NUP62CL: variants seen among roughly 807,000 people sequenced by gnomAD.
The protein encoded by NUP62CL is nucleoporin-62 C-terminal-like protein.
Under a neutral mutation model 15.3 loss-of-function variants are expected in NUP62CL, and 13 were observed. The observed-to-expected ratio is 0.85, with a 90% CI of 0.55 to 1.35. NUP62CL has a LOEUF of 1.35. Ranked by LOEUF, NUP62CL falls within the 40% of genes most tolerant of loss-of-function variation. NUP62CL has a pLI of 0.00. For synonymous variants in NUP62CL, 54 were observed against 49.2 expected (o/e 1.10, Z -0.41); for missense variants, 123 against 130.6 (o/e 0.94, Z 0.28).
At chrX:107,167,869 G>A in intron 3 of NUP62CL, 85 bp from the exon 4 acceptor site, 2 of 886,541 alleles carry the variant, frequency 2.3e-6, no homozygotes, top group Non-Finnish European at 3.1e-6. Flanking sequence ...AAATTATGGA[G>A]GCATTTTTAA....
At chrX:107,171,289 T>C (rs773458855) in intron 3 of NUP62CL, among the ~76,000 whole-genome samples, 7 of 111,421 alleles carry the variant, frequency 6.3e-5, no homozygotes, top group East Asian at 5.7e-4. Context: ...ACACCCCAAA[T>C]TGGGGCTGTC....
chrX:107,174,768 C>A (rs1253103796), intron 3 of NUP62CL, among the ~76,000 whole-genome samples: 3 of 111,948 alleles, frequency 2.7e-5, no homozygotes, highest in Non-Finnish European at 5.6e-5. Flanking sequence ...AGGACTTCTT[C>A]CCTTCAGAAA....
chrX:107,147,745 G>A lies in NUP62CL; in HGVS notation c.*40C>T. Reference sequence around the variant, plus strand: ...GTGGCATACAAGCAAACTCCCACCTGAATTCCGATCAATCCACTGCAGGGA... The same window carrying A: ...GTGGCATACAAGCAAACTCCCACCTAAATTCCGATCAATCCACTGCAGGGA... On this transcript the variant is annotated splice_region_variant and 3_prime_UTR_variant, in exon 8 of 9. Transcript: ENST00000372466. 1 of 1,160,089 alleles carries A rather than the reference G, an allele frequency of 8.6e-7. No homozygotes were observed. Among genetic ancestry groups the A allele is most frequent in the South Asian group, 1.8e-5 (1 of 55,546 alleles).
At chrX:107,129,210 A>C (rs148066443) in intron 8 of NUP62CL, among the ~76,000 whole-genome samples, 2,810 of 111,942 alleles carry the variant, frequency 0.025, 101 homozygotes, top group African/African-American at 0.086. Flanking sequence ...GAACCCTAGA[A>C]AGAATATGGA....
chrX:107,155,689 A>G (rs1046316602), intron 4 of NUP62CL, among the ~76,000 whole-genome samples: 2 of 112,399 alleles, frequency 1.8e-5, no homozygotes, highest in African/African-American at 3.2e-5. Context: ...ATGAAAAAAA[A>G]ATATGAAAAT....
intron 3 of NUP62CL, among the ~76,000 whole-genome samples, chrX:107,174,313 G>A (rs1218468899): frequency 9.3e-6 from 1 of 107,198 alleles, no homozygotes; most frequent in Admixed American, 1.0e-4. Flanking sequence ...CACTATGTCC[G>A]GCAAATTTTT....
At position 107,161,860 on chromosome X, in the gene NUP62CL, C is replaced by A. The variant is rs193226983; in HGVS notation, c.194+5789G>T. Among the ~76,000 whole-genome samples, 456 of 78,625 alleles carry A rather than the reference C, an allele frequency of 5.8e-3. 2 individuals are homozygous for A. The highest frequency in any genetic ancestry group is 0.02 in the African/African-American group (439 of 21,882). The allele number at this position is 78,625 out of a possible 115,157, so 68.3% of individuals were successfully genotyped here. ...AAAAAATTACCTATCATATCAAAAC[C>A]GAGAAAACCCACAACTTGAAAGAGA... On this transcript the variant is annotated intron_variant, in intron 4 of 8. Transcript: ENST00000372466.
Position 107,148,639 on chromosome X carries a change from C to A in NUP62CL, c.531-830G>T, listed in dbSNP as rs184940803. Among the ~76,000 whole-genome samples, 4 of 111,366 alleles carry A rather than the reference C, an allele frequency of 3.6e-5. No individual in the cohort carries two copies. The East Asian group carries it at 1.1e-3, about 31-fold the overall frequency. On this transcript the variant is annotated intron_variant, in intron 7 of 8. Transcript: ENST00000372466. ...GCAAAAAAGACTAGAAAGAAATACA[C>A]CAGTATATTATCAGGGTACTGTTAA...
intron 2 of NUP62CL, among the ~76,000 whole-genome samples, chrX:107,180,534 G>GT (rs1926892295): frequency 8.9e-6 from 1 of 112,021 alleles, no homozygotes; most frequent in East Asian, 2.8e-4. Context: ...TTCCAAATGT[G>GT]TAAAATAAGC....
At chrX:107,154,773 T>C (rs1926134043) in intron 4 of NUP62CL, among the ~76,000 whole-genome samples, 1 of 111,743 alleles carries the variant, frequency 8.9e-6, no homozygotes, top group African/African-American at 3.3e-5. Context: ...AGCCAGTCAA[T>C]GGTGATTCCT....
chrX:107,184,095 A>G (rs1380455246), intron 2 of NUP62CL, among the ~76,000 whole-genome samples: 2 of 109,265 alleles, frequency 1.8e-5, no homozygotes, highest in African/African-American at 6.7e-5. Flanking sequence ...CCCCCCCTCC[A>G]CCAGAACAAT....
chrX:107,188,429 C>A (rs192929485), intron 2 of NUP62CL, among the ~76,000 whole-genome samples: 1 of 109,258 alleles, frequency 9.2e-6, no homozygotes, highest in Admixed American at 9.8e-5. Context: ...AACTCCCCCC[C>A]ACCACTCCCC....
At chrX:107,202,701 AAAG>A (rs1927513939) in intron 1 of NUP62CL, 1 of 106,327 alleles carries the variant, frequency 9.4e-6, no homozygotes, top group Non-Finnish European at 1.9e-5. Flanking sequence ...AAAAAAAAAA[AAAG>A]AACATTCATG....
intron 8 of NUP62CL, among the ~76,000 whole-genome samples, chrX:107,144,638 G>C (rs769646817): frequency 8.1e-5 from 9 of 111,326 alleles, no homozygotes; most frequent in Non-Finnish European, 1.5e-4. Context: ...AAAAATATGC[G>C]ACAGGAAGAC....
intron 2 of NUP62CL, among the ~76,000 whole-genome samples, chrX:107,177,643 A>G (rs972861864): frequency 2.2e-4 from 24 of 111,502 alleles, no homozygotes; most frequent in African/African-American, 7.5e-4. Context: ...CACTATCCTC[A>G]GTCATTAGGG....
chrX:107,193,784 A>G (rs867730405), intron 1 of NUP62CL, among the ~76,000 whole-genome samples: 26 of 111,459 alleles, frequency 2.3e-4, no homozygotes, highest in African/African-American at 8.5e-4. Context: ...GAGAATTCTT[A>G]TCCCAGAAAT....
chrX:107,153,027 T>C (rs189019419), intron 7 of NUP62CL, 145 bp downstream of exon 7: 5 of 468,498 alleles, frequency 1.1e-5, no homozygotes, highest in African/African-American at 5.1e-5. Flanking sequence ...ATCAAACAAA[T>C]TGATAAATGT....
chrX:107,190,101 A>G (rs770653922), intron 2 of NUP62CL, among the ~76,000 whole-genome samples: 20 of 111,448 alleles, frequency 1.8e-4, no homozygotes, highest in Non-Finnish European at 3.4e-4. Context: ...CTTCTCATTA[A>G]TGTTGAATAC....
At chrX:107,203,632 G>A (rs1319889457) in intron 1 of NUP62CL, among the ~76,000 whole-genome samples, 2 of 110,726 alleles carry the variant, frequency 1.8e-5, no homozygotes, top group Non-Finnish European at 3.8e-5. Flanking sequence ...CTCACTCTAC[G>A]AAATATTAGG....
Sources: gnomAD v4.1 joint callset for allele counts (sites outside exome capture counted in the v4.1 genomes callset) on GRCh38, gnomAD v4.1.1 for gene constraint, MANE v1.5 for transcripts, NCBI Gene and HGNC (gene_info 2026-07-23, HGNC 2026-07-21) for gene names.